Variants in CLIC4 observed in about 807,000 individuals in gnomAD.
The protein encoded by CLIC4 is chloride intracellular channel protein 4.
A neutral mutation model predicts 24.6 loss-of-function variants in CLIC4; 13 were observed. The observed-to-expected ratio is 0.53, with a 90% confidence interval of 0.34 to 0.84. CLIC4 has a LOEUF of 0.84. CLIC4 is among the 40% of genes least tolerant of loss of function. The pLI, the probability that CLIC4 is intolerant of heterozygous loss-of-function variation, is 0.01. For missense variants in CLIC4, 227 were observed against 301.7 expected (o/e 0.75, Z 1.83); for synonymous variants, 104 against 111.3 (o/e 0.93, Z 0.41).
intron 1 of CLIC4, among the ~76,000 whole-genome samples, chr1:24,766,080 T>C (rs1571233467): frequency 6.6e-6 from 1 of 152,160 alleles, no homozygotes; most frequent in Non-Finnish European, 1.5e-5. Flanking sequence ...CTCAGCTCAC[T>C]GCAGCAGCCT....
chr1:24,797,620 C>CT, intron 1 of CLIC4, 122 bp from the exon 2 acceptor site: 1 of 556,800 alleles, frequency 1.8e-6, no homozygotes, highest in Non-Finnish European at 3.1e-6. Context: ...AATTTCTACT[C>CT]TTCCTTCCAC....
At chr1:24,766,294 C>T (rs764078310) in intron 1 of CLIC4, among the ~76,000 whole-genome samples, 89 of 151,746 alleles carry the variant, frequency 5.9e-4, no homozygotes, top group Non-Finnish European at 1.2e-3. Context: ...TGAGGCACCA[C>T]GCCCGGCCTA....
intron 1 of CLIC4, among the ~76,000 whole-genome samples, chr1:24,748,499 G>GTTTTTTTTTTTTTTT (rs869153638): frequency 2.5e-5 from 2 of 80,618 alleles, no homozygotes; most frequent in Non-Finnish European, 4.4e-5. Context: ...CAGGTTTTTT[G>GTTTTTTTTTTTTTTT]TTTTTTTTTT....
At chr1:24,813,565 C>T (rs145114007) in intron 2 of CLIC4, among the ~76,000 whole-genome samples, 2,057 of 151,746 alleles carry the variant, frequency 0.014, 49 homozygotes, top group African/African-American at 0.047. Flanking sequence ...ACTACAGGTG[C>T]GCACCACCAT....
intron 1 of CLIC4, 56 bp downstream of exon 1, chr1:24,745,681 CG>C: frequency 1.4e-6 from 2 of 1,434,816 alleles, no homozygotes; most frequent in Non-Finnish European, 1.9e-6. Flanking sequence ...CTCCCGGCTG[CG>C]GGGAGCGGCG....
At chr1:24,814,039 ATTG>A in intron 2 of CLIC4, 52 bp from the exon 3 acceptor site, 2 of 1,607,810 alleles carry the variant, frequency 1.2e-6, no homozygotes, top group Non-Finnish European at 1.7e-6. Flanking sequence ...TTAAAGTATT[ATTG>A]TTGTTTAAGA....
chr1:24,795,993 C>A (rs1639394778), intron 1 of CLIC4, among the ~76,000 whole-genome samples: 1 of 152,180 alleles, frequency 6.6e-6, no homozygotes, highest in African/African-American at 2.4e-5. Flanking sequence ...TTTCAGAAAA[C>A]CCATAACAGA....
In CLIC4 at chr1:24,745,584, AAGG is replaced by A. The variant is rs778785612; in HGVS notation, c.39_41del (p.Glu13del). 4.4e-6 allele frequency: 7 copies of A among 1,591,948 alleles called. No individual in the cohort carries two copies. The highest frequency in any genetic ancestry group is 1.1e-5 in the South Asian group (1 of 87,390). On this transcript the variant is annotated inframe_deletion, in exon 1 of 6. Transcript: ENST00000374379. ...GTTGTCGATGCCGCTGAATGGGCTGAAGGAGGAGGACAAAGAGCCCCTCATCGA... is the reference window on the plus strand; with the variant it reads ...GTTGTCGATGCCGCTGAATGGGCTGAAGGAGGACAAAGAGCCCCTCATCGA...
chr1:24,800,593 G>A (rs1639476265), intron 2 of CLIC4, among the ~76,000 whole-genome samples: 1 of 152,246 alleles, frequency 6.6e-6, no homozygotes, highest in Non-Finnish European at 1.5e-5. Context: ...GAATGGGCCA[G>A]GATGACAATG....
intron 1 of CLIC4, among the ~76,000 whole-genome samples, chr1:24,762,417 C>T (rs952213571): frequency 6.6e-6 from 1 of 151,904 alleles, no homozygotes; most frequent in Non-Finnish European, 1.5e-5. Flanking sequence ...GAGACTCTCT[C>T]TAAAGAAAAA....
In CLIC4 at chr1:24,781,210, C is replaced by T. The variant is rs192103697; in HGVS notation, c.73-16532C>T. Among the ~76,000 whole-genome samples the T allele has an allele frequency of 5.9e-3, 863 of 145,992 alleles. 7 individuals are homozygous for T. Among genetic ancestry groups the T allele is most frequent in the African/African-American group, 0.021 (821 of 39,624 alleles). On this transcript the variant is annotated intron_variant, in intron 1 of 5. Transcript: ENST00000374379. Reference sequence around the variant, plus strand: ...AGTGCAGTGGCACAATCTCAGCTCACTGCAACCTCTGTCTCCCTGGTTCAA... The same window carrying T: ...AGTGCAGTGGCACAATCTCAGCTCATTGCAACCTCTGTCTCCCTGGTTCAA...
intron 2 of CLIC4, among the ~76,000 whole-genome samples, chr1:24,805,657 T>C (rs1639542680): frequency 6.6e-6 from 1 of 152,190 alleles, no homozygotes; most frequent in Non-Finnish European, 1.5e-5. Context: ...TTTTTCTTCG[T>C]TGGGCAAGTC....
rs574930471 is a variant in CLIC4, at chr1:24,840,157, A to G, written c.597+116A>G. On this transcript the variant is annotated intron_variant, in intron 5 of 5. Transcript: ENST00000374379. ...TTTATATGACTAGTTGTTTAACTCA[A>G]TGCTGTTTAGGCAATAGTTGAAGCA... 1.3e-4 allele frequency: 130 copies of G among 969,260 alleles called. 1 individual carries two copies. In the African/African-American group the frequency reaches 1.9e-3, roughly 14 times the overall value. 60.0% of individuals were successfully genotyped at this position (969,260 alleles called of 1,614,324 possible). A position where few individuals can be genotyped will look rare whatever the true frequency, so the allele number is the denominator to read the frequency against.
In CLIC4 at chr1:24,827,134, G is replaced by T; in HGVS notation, c.415+18G>T. 6.6e-7 allele frequency: 1 copy of T among 1,509,394 alleles called. No individual in the cohort carries two copies. Among genetic ancestry groups the T allele is most frequent in the South Asian group, 1.2e-5 (1 of 84,062 alleles). 93.5% of individuals were successfully genotyped at this position (1,509,394 alleles called of 1,614,324 possible). A position where few individuals can be genotyped will look rare whatever the true frequency, so the allele number is the denominator to read the frequency against. On this transcript the variant is annotated intron_variant, in intron 4 of 5. Transcript: ENST00000374379. ...TAATGAAGGTAAAAAACAAAAACTT[G>T]AATTAACATTGCAACAAAAAACCCC...
intron 1 of CLIC4, among the ~76,000 whole-genome samples, chr1:24,749,605 T>G (rs934819834): frequency 1.3e-5 from 2 of 152,210 alleles, no homozygotes; most frequent in African/African-American, 4.8e-5. Context: ...TTTTTTTGGT[T>G]TGTTTTTGTT....
chr1:24,795,549 T>TA (rs564857779), intron 1 of CLIC4, among the ~76,000 whole-genome samples: 3,516 of 146,338 alleles, frequency 0.024, 59 homozygotes, highest in Non-Finnish European at 0.032. Context: ...AAAAAAAAAA[T>TA]AAAAAAAAAA....
chr1:24,746,398 G>A (rs1044501029), intron 1 of CLIC4, among the ~76,000 whole-genome samples: 7 of 152,136 alleles, frequency 4.6e-5, no homozygotes, highest in Non-Finnish European at 8.8e-5. Flanking sequence ...GGGCTTTAAA[G>A]GGTTGGTTTT....
intron 1 of CLIC4, among the ~76,000 whole-genome samples, chr1:24,762,309 C>T (rs1221659049): frequency 6.6e-6 from 1 of 152,086 alleles, no homozygotes; most frequent in Admixed American, 6.6e-5. Flanking sequence ...ATAGTCCTAG[C>T]TACTTCAGGA....
intron 3 of CLIC4, among the ~76,000 whole-genome samples, chr1:24,820,971 C>T (rs1470054653): frequency 1.3e-5 from 2 of 152,004 alleles, no homozygotes; most frequent in East Asian, 1.9e-4. Context: ...ATGACTTGAG[C>T]TCAGGAGTTC....
Sources: gnomAD v4.1 joint callset for allele counts (sites outside exome capture counted in the v4.1 genomes callset) on GRCh38, gnomAD v4.1.1 for gene constraint, MANE v1.5 for transcripts, NCBI Gene and HGNC (gene_info 2026-07-23, HGNC 2026-07-21) for gene names.